KCNIP4: variants seen among roughly 807,000 people sequenced by gnomAD.
KCNIP4 encodes potassium voltage-gated channel interacting protein 4, also known as Kv channel-interacting protein 4.
KCNIP4 carries 12 observed loss-of-function variants against 34.0 expected under a neutral mutation model. The observed-to-expected ratio is 0.35, with a 90% CI of 0.23 to 0.57. The LOEUF is 0.57. Among genes scored for constraint, KCNIP4 ranks in the 20% least tolerant of loss-of-function variants. KCNIP4 has a pLI of 0.83. For synonymous variants in KCNIP4, 124 were observed against 102.2 expected, an observed-to-expected ratio of 1.21 and a Z score of -1.29; for missense variants, 238 against 311.7, an observed-to-expected ratio of 0.76 and a Z score of 1.78.
chr4:21,376,734 C>G (rs1034886729), intron 1 of KCNIP4, among the ~76,000 whole-genome samples: 2 of 152,174 alleles, frequency 1.3e-5, no homozygotes, highest in African/African-American at 4.8e-5. Flanking sequence ...TTGAGAATAA[C>G]GGGTCTTCAT....
At chr4:20,995,782 C>CA (rs1209955175) in intron 1 of KCNIP4, among the ~76,000 whole-genome samples, 3 of 151,936 alleles carry the variant, frequency 2.0e-5, no homozygotes, top group Admixed American at 6.6e-5. Context: ...TGCATTTGTG[C>CA]AAAAAAATGT....
intron 1 of KCNIP4, among the ~76,000 whole-genome samples, chr4:21,795,488 A>G (rs941365625): frequency 6.6e-6 from 1 of 152,194 alleles, no homozygotes; most frequent in Non-Finnish European, 1.5e-5. Flanking sequence ...ATACTAATAT[A>G]GAATCTGACT....
intron 1 of KCNIP4, among the ~76,000 whole-genome samples, chr4:20,958,861 C>T (rs546630029): frequency 1.3e-5 from 2 of 152,314 alleles, no homozygotes; most frequent in African/African-American, 2.4e-5. Flanking sequence ...CAGTGGCAGA[C>T]ACCTTCTTAC....
chr4:21,475,384 T>C (rs1730866974), intron 1 of KCNIP4, among the ~76,000 whole-genome samples: 1 of 152,134 alleles, frequency 6.6e-6, no homozygotes. Flanking sequence ...CAGACCACCG[T>C]ACCACAGCTC....
At chr4:20,936,211 C>T (rs1467871590) in intron 1 of KCNIP4, among the ~76,000 whole-genome samples, 2 of 152,148 alleles carry the variant, frequency 1.3e-5, no homozygotes, top group African/African-American at 4.8e-5. Flanking sequence ...GTGGTGAAAG[C>T]AAAGGGGCTG....
intron 1 of KCNIP4, among the ~76,000 whole-genome samples, chr4:21,569,020 C>T (rs551128498): frequency 6.6e-6 from 1 of 151,860 alleles, no homozygotes; most frequent in Non-Finnish European, 1.5e-5. Flanking sequence ...TAAGATCACT[C>T]TCACCGCATT....
At chr4:21,878,386 G>T (rs140212787) in intron 1 of KCNIP4, among the ~76,000 whole-genome samples, 1,731 of 152,104 alleles carry the variant, frequency 0.011, 16 homozygotes, top group Non-Finnish European at 0.018. Context: ...TTGCCCTTTT[G>T]ATTTGAAGAT....
intron 1 of KCNIP4, among the ~76,000 whole-genome samples, chr4:21,412,009 C>T (rs190387452): frequency 1.3e-5 from 2 of 152,228 alleles, no homozygotes; most frequent in South Asian, 2.1e-4. Flanking sequence ...CAAATTATCC[C>T]CACGTATGGG....
chr4:20,806,838 G>C (rs1715156571), intron 3 of KCNIP4, among the ~76,000 whole-genome samples: 1 of 152,114 alleles, frequency 6.6e-6, no homozygotes, highest in African/African-American at 2.4e-5. Flanking sequence ...TTTGAAACAA[G>C]GGGTATGGAT....
chr4:21,925,781 T>A (rs1212033282), intron 1 of KCNIP4, among the ~76,000 whole-genome samples: 10 of 152,178 alleles, frequency 6.6e-5, no homozygotes, highest in Non-Finnish European at 1.5e-5. Context: ...CCACTATATA[T>A]CAAGACCCCA....
At chr4:21,138,416 C>T (rs1349545391) in intron 1 of KCNIP4, among the ~76,000 whole-genome samples, 1 of 152,160 alleles carries the variant, frequency 6.6e-6, no homozygotes, top group Non-Finnish European at 1.5e-5. Context: ...GTCTACAGAG[C>T]ATGCCATCAT....
At chr4:21,561,156 G>A (rs557737152) in intron 1 of KCNIP4, among the ~76,000 whole-genome samples, 2 of 152,038 alleles carry the variant, frequency 1.3e-5, no homozygotes, top group African/African-American at 2.4e-5. Context: ...ACATGTACTG[G>A]AGCAAGCTGA....
chr4:21,821,356 T>C (rs1722343998), intron 1 of KCNIP4, among the ~76,000 whole-genome samples: 1 of 152,134 alleles, frequency 6.6e-6, no homozygotes. Flanking sequence ...CCATGAAATA[T>C]ATTTTTAAGG....
At chr4:21,009,396 C>A (rs755631887) in intron 1 of KCNIP4, among the ~76,000 whole-genome samples, 3 of 152,172 alleles carry the variant, frequency 2.0e-5, no homozygotes, top group Non-Finnish European at 2.9e-5. Context: ...AAATTGAATT[C>A]TCCTGATTTC....
intron 1 of KCNIP4, among the ~76,000 whole-genome samples, chr4:21,008,896 T>G (rs1055630950): frequency 4.6e-5 from 7 of 152,216 alleles, no homozygotes; most frequent in Admixed American, 2.0e-4. Flanking sequence ...TTAAAAAATC[T>G]GATTCTCCAA....
chr4:20,906,607 A>T (rs1421020811), intron 1 of KCNIP4, among the ~76,000 whole-genome samples: 5 of 152,214 alleles, frequency 3.3e-5, no homozygotes, highest in African/African-American at 9.6e-5. Context: ...TTTAGTATTT[A>T]GACCTTACCC....
At position 20,750,244 on chromosome 4, in the gene KCNIP4, G is replaced by A. The variant is rs556401803; in HGVS notation, c.359-512C>T. 1.0e-3 allele frequency among the ~76,000 whole-genome samples: 159 copies of A among 152,288 alleles called. 1 individual carries two copies. The highest frequency in any genetic ancestry group is 3.6e-3 in the African/African-American group (148 of 41,548). On this transcript the variant is annotated intron_variant, in intron 4 of 8. Transcript: ENST00000382152. ...TACCCAAAGTCACACAGTGAAGAAG[G>A]AGTAAATCTGGGACATGAACTTAGG... is the stretch of plus-strand genomic sequence containing the variant.
intron 1 of KCNIP4, among the ~76,000 whole-genome samples, chr4:21,940,314 TA>T (rs1302619232): frequency 1.3e-5 from 2 of 152,002 alleles, no homozygotes; most frequent in African/African-American, 4.8e-5. Context: ...CCCCAAAGAG[TA>T]AAAGGTCAAG....
In KCNIP4 at chr4:21,487,343, C is replaced by T. The variant is rs572174218; in HGVS notation, c.61+461228G>A. ...ATTTTTCTCATGATTAGAATACGCT[C>T]GTATGTTTTTGGGAAGATGAATGCA... On this transcript the variant is annotated intron_variant, in intron 1 of 8. Coordinates refer to ENST00000382152, the MANE Select transcript of KCNIP4 (RefSeq NM_025221.6). 1.9e-4 allele frequency among the ~76,000 whole-genome samples: 29 copies of T among 152,164 alleles called. 1 individual carries two copies. In the South Asian group the frequency reaches 5.6e-3, roughly 29 times the overall value.
Sources: gnomAD v4.1 joint callset for allele counts (sites outside exome capture counted in the v4.1 genomes callset) on GRCh38, gnomAD v4.1.1 for gene constraint, MANE v1.5 for transcripts, NCBI Gene and HGNC (gene_info 2026-07-23, HGNC 2026-07-21) for gene names.